CPNE1: variants seen among roughly 807,000 people sequenced by gnomAD.
CPNE1 encodes the protein copine-1.
A neutral mutation model predicts 63.2 loss-of-function variants in CPNE1; 58 were observed. That is an observed-to-expected ratio of 0.92 (90% CI 0.74 to 1.14). The LOEUF (loss-of-function observed/expected upper bound fraction) is 1.14, where lower values mean the gene tolerates loss of function less well. CPNE1 is among the 50% of genes most tolerant of loss of function. CPNE1 has a pLI of 0.00. For missense variants in CPNE1, 672 were observed against 661.7 expected (o/e 1.02, Z -0.17); for synonymous variants, 237 against 249.0 (o/e 0.95, Z 0.45).
chr20:35,626,537 A>C (rs1227407428), intron 15 of CPNE1, 30 bp downstream of exon 15: 2 of 1,606,878 alleles, frequency 1.2e-6, no homozygotes, highest in Non-Finnish European at 1.7e-6. Flanking sequence ...TGAAAGGGTA[A>C]ACTCCCAGAT....
chr20:35,658,915 T>A (rs1156734651), intron 1 of CPNE1: 1 of 713,806 alleles, frequency 1.4e-6, no homozygotes, highest in African/African-American at 1.8e-5. Flanking sequence ...GAACTCTCTA[T>A]TCAAAATCTC....
In CPNE1 at chr20:35,664,754, T is replaced by A. The variant is rs2034451222; in HGVS notation, c.-1+6A>T. ...CCCACCCGTTCAGGGGCTGCGGGAG[T>A]CTTACCGGGGAAAGCTGCGCGGCAC... On this transcript the variant is annotated splice_donor_region_variant and intron_variant, in intron 1 of 15. Coordinates refer to ENST00000397443, the MANE Select transcript of CPNE1 (RefSeq NM_152925.3). 6.6e-6 allele frequency: 1 copy of A among 152,120 alleles called. No homozygotes were observed. Among genetic ancestry groups the A allele is most frequent in the Non-Finnish European group, 1.5e-5 (1 of 68,068 alleles). 9.4% of individuals were successfully genotyped at this position (152,120 alleles called of 1,614,324 possible).
chr20:35,656,102 G>GTTA (rs1207049656), intron 1 of CPNE1, among the ~76,000 whole-genome samples: 4 of 152,128 alleles, frequency 2.6e-5, no homozygotes, highest in African/African-American at 4.8e-5. Flanking sequence ...GTAGAACCTG[G>GTTA]TTATAGTCCC....
intron 1 of CPNE1, among the ~76,000 whole-genome samples, chr20:35,658,631 G>A (rs544552300): frequency 1.3e-5 from 2 of 152,080 alleles, no homozygotes; most frequent in South Asian, 2.1e-4. Flanking sequence ...TATGGTGGCA[G>A]GCGCCTGTAA....
intron 1 of CPNE1, among the ~76,000 whole-genome samples, chr20:35,664,179 C>G (rs547150737): frequency 1.3e-5 from 2 of 152,348 alleles, no homozygotes; most frequent in Admixed American, 1.3e-4. Context: ...CTGCAAACCC[C>G]TCCACCTTCA....
At position 35,626,581 on chromosome 20, in the gene CPNE1, G is replaced by C; in HGVS notation, c.1459C>G (p.Arg487Gly). The change falls in exon 15 of 16, where the codon CGC becomes GGC. Residue 487 changes from arginine to glycine, a missense_variant. By Grantham distance (125) the Arg-to-Gly change is moderately radical (BLOSUM62 -2). Transcript: ENST00000397443. ...CACCTACTCACATTCTGGAACCGGC[G>C]GTAGGGTACAAACTGCACAATGTCG... ...ARDIVQFVPYRRFQNAPREAL... is the reference protein window; with the variant it reads ...ARDIVQFVPYGRFQNAPREAL... 1.2e-6 allele frequency: 2 copies of C among 1,614,036 alleles called. No individual in the cohort carries two copies. Among genetic ancestry groups the C allele is most frequent in the Non-Finnish European group, 1.7e-6 (2 of 1,179,916 alleles).
chr20:35,626,143 A>C lies in CPNE1; in HGVS notation c.*98T>G. On this transcript the variant is annotated 3_prime_UTR_variant, in exon 16 of 16. Transcript: ENST00000397443. ...CAAGTATAAAAGTATCAAAAAATAC[A>C]AAGTGCTAGCACTGAGGAGAGTGAG... The C allele has an allele frequency of 8.0e-7, 1 of 1,253,316 alleles. No individual in the cohort carries two copies. Among genetic ancestry groups the C allele is most frequent in the Non-Finnish European group, 1.2e-6 (1 of 864,852 alleles). The allele number at this position is 1,253,316 out of a possible 1,614,324, so 77.6% of individuals were successfully genotyped here.
chr20:35,651,827 A>G (rs749883477), intron 1 of CPNE1: 1 of 152,644 alleles, frequency 6.6e-6, no homozygotes, highest in Non-Finnish European at 1.5e-5. Context: ...CACAGTTTTA[A>G]GTGTGACATT....
Position 35,653,516 on chromosome 20 carries a change from G to A in CPNE1, c.-1+11244C>T, listed in dbSNP as rs753301036. 23 of 1,614,164 alleles carry A rather than the reference G, an allele frequency of 1.4e-5. No individual in the cohort carries two copies. The highest frequency in any genetic ancestry group is 5.5e-5 in the South Asian group (5 of 91,084). On this transcript the variant is annotated intron_variant, in intron 1 of 15. Coordinates refer to ENST00000397443, the MANE Select transcript of CPNE1 (RefSeq NM_152925.3). ...CCATTAAGTTTTTTACGGTGTAAGC[G>A]TTCAGACTTACGTGCATCATCTTCA...
chr20:35,658,898 T>G (rs1479055078), intron 1 of CPNE1: 2 of 710,192 alleles, frequency 2.8e-6, no homozygotes, highest in Non-Finnish European at 2.6e-6. Context: ...TTATTTTGTA[T>G]AAAAACGAAC....
intron 1 of CPNE1, among the ~76,000 whole-genome samples, chr20:35,663,802 G>A (rs984587968): frequency 6.6e-6 from 1 of 152,110 alleles, no homozygotes; most frequent in Non-Finnish European, 1.5e-5. Context: ...GTCCAACCCC[G>A]TCACTAACCT....
intron 1 of CPNE1, chr20:35,651,723 A>T (rs2033534566): frequency 6.6e-6 from 1 of 152,652 alleles, no homozygotes; most frequent in South Asian, 2.1e-4. Flanking sequence ...AACAATTTTT[A>T]AACTGACTAA....
chr20:35,654,527 T>A (rs969867338), intron 1 of CPNE1: 4 of 1,614,190 alleles, frequency 2.5e-6, no homozygotes, highest in Non-Finnish European at 2.5e-6. Flanking sequence ...TTCAAATTCA[T>A]AGGTGCTCCA....
chr20:35,645,539 A>G (rs1002664982), intron 1 of CPNE1, among the ~76,000 whole-genome samples: 4 of 152,216 alleles, frequency 2.6e-5, no homozygotes, highest in African/African-American at 9.7e-5. Flanking sequence ...CCACCAAAGT[A>G]TAAGTGCTGG....
chr20:35,652,643 C>A (rs2033600388), intron 1 of CPNE1: 1 of 1,614,012 alleles, frequency 6.2e-7, no homozygotes, highest in Non-Finnish European at 8.5e-7. Context: ...GTGGGCATAC[C>A]TTTTTCATTG....
intron 1 of CPNE1, among the ~76,000 whole-genome samples, chr20:35,645,677 C>A (rs1214970774): frequency 6.6e-6 from 1 of 152,178 alleles, no homozygotes; most frequent in Admixed American, 6.5e-5. Context: ...ATTCAATGGT[C>A]ATAGAAGTAA....
intron 13 of CPNE1, among the ~76,000 whole-genome samples, chr20:35,630,234 C>T (rs968913759): frequency 1.3e-5 from 2 of 152,188 alleles, no homozygotes; most frequent in African/African-American, 4.8e-5. Context: ...GCAGAGGTTG[C>T]AAGTGAGCTA....
chr20:35,653,949 A>G, intron 1 of CPNE1: 2 of 1,614,120 alleles, frequency 1.2e-6, no homozygotes, highest in Non-Finnish European at 1.7e-6. Context: ...TATAAATACT[A>G]TCTTCCACAA....
intron 1 of CPNE1, among the ~76,000 whole-genome samples, chr20:35,645,832 C>T (rs1002910968): frequency 6.6e-6 from 1 of 152,230 alleles, no homozygotes; most frequent in African/African-American, 2.4e-5. Flanking sequence ...CCAGCCCCCA[C>T]TGCAATCTAA....
Sources: allele counts gnomAD v4.1 joint callset (sites outside exome capture counted in the v4.1 genomes callset), GRCh38; gene constraint gnomAD v4.1.1; transcripts MANE v1.5; gene names NCBI Gene and HGNC (gene_info 2026-07-23, HGNC 2026-07-21).